CAMK2D: variants seen among roughly 807,000 people sequenced by gnomAD.
CAMK2D encodes the protein calcium/calmodulin-dependent protein kinase type II subunit delta.
In CAMK2D, 37 loss-of-function variants were observed where a neutral mutation model predicts 84.0. That is an observed-to-expected ratio of 0.44 (90% CI 0.34 to 0.58). CAMK2D has a LOEUF of 0.58. Among genes scored for constraint, CAMK2D ranks in the 20% least tolerant of loss-of-function variants. The probability of loss-of-function intolerance (pLI) is 0.02; values close to 1 mark genes in which losing one functional copy is unlikely to be tolerated. For missense variants in CAMK2D, 448 were observed against 652.5 expected, an observed-to-expected ratio of 0.69 and a Z score of 3.41; for synonymous variants, 202 against 212.5, an observed-to-expected ratio of 0.95 and a Z score of 0.43.
intron 2 of CAMK2D, among the ~76,000 whole-genome samples, chr4:113,690,926 AAT>A (rs1289987901): frequency 6.6e-6 from 1 of 152,214 alleles, no homozygotes; most frequent in Admixed American, 6.5e-5. Flanking sequence ...TCACACAGGA[AAT>A]ATGAGAGATT....
chr4:113,463,894 G>A (rs2097423744), intron 17 of CAMK2D, among the ~76,000 whole-genome samples: 1 of 151,804 alleles, frequency 6.6e-6, no homozygotes, highest in Non-Finnish European at 1.5e-5. Flanking sequence ...ATATATCTTT[G>A]TTCACAAATT....
At chr4:113,729,304 T>C (rs1303388595) in intron 2 of CAMK2D, among the ~76,000 whole-genome samples, 1 of 152,214 alleles carries the variant, frequency 6.6e-6, no homozygotes, top group Non-Finnish European at 1.5e-5. Context: ...GACCATGCTC[T>C]CTTAAGATAA....
chr4:113,492,173 C>T (rs1032804849), intron 16 of CAMK2D, among the ~76,000 whole-genome samples: 2 of 151,804 alleles, frequency 1.3e-5, no homozygotes, highest in Admixed American at 6.6e-5. Flanking sequence ...TTATTTCTTG[C>T]CTTCTGCTAG....
intron 3 of CAMK2D, among the ~76,000 whole-genome samples, chr4:113,619,916 C>T (rs1024368885): frequency 2.0e-5 from 3 of 151,798 alleles, no homozygotes; most frequent in African/African-American, 4.8e-5. Context: ...GCTGAGAGGC[C>T]GGAGTTTGGC....
rs115840037 is a variant in CAMK2D at position 113,622,421 on chromosome 4, T to A, written c.221-13215A>T. Among the ~76,000 whole-genome samples the A allele has an allele frequency of 4.7e-3, 712 of 152,202 alleles. 10 individuals are homozygous for A. Among genetic ancestry groups the A allele is most frequent in the African/African-American group, 0.016 (683 of 41,552 alleles). On this transcript the variant is annotated intron_variant, in intron 3 of 20. Transcript: ENST00000511664. ...TACCTCTTCAAATTCCTTCACATTC[T>A]CCCTCACTGTTTCCCCTCCAGCTCC...
rs528317351 is a variant in CAMK2D at position 113,700,990 on chromosome 4, G to A, written c.161-39218C>T. ...ACTAATAAGGTTTTAGTTAAACAAC[G>A]TATTCAACTATCACTTACTGATGAT... On this transcript the variant is annotated intron_variant, in intron 2 of 20. Transcript: ENST00000511664. Among the ~76,000 whole-genome samples, 23 of 152,178 alleles carry A rather than the reference G, an allele frequency of 1.5e-4. No individual in the cohort carries two copies. In the East Asian group the frequency reaches 3.3e-3, roughly 22 times the overall value.
chr4:113,467,205 C>G (rs961180928), intron 16 of CAMK2D, among the ~76,000 whole-genome samples: 1 of 152,174 alleles, frequency 6.6e-6, no homozygotes, highest in East Asian at 1.9e-4. Flanking sequence ...CCCATCTTAT[C>G]TTACTGAGGT....
At chr4:113,616,241 C>T (rs1025321581) in intron 3 of CAMK2D, among the ~76,000 whole-genome samples, 1 of 151,934 alleles carries the variant, frequency 6.6e-6, no homozygotes, top group East Asian at 1.9e-4. Context: ...ATAGGGAATG[C>T]CATCCATATT....
At chr4:113,705,885 G>C (rs1420156764) in intron 2 of CAMK2D, among the ~76,000 whole-genome samples, 4 of 152,158 alleles carry the variant, frequency 2.6e-5, no homozygotes, top group Admixed American at 2.6e-4. Context: ...CCTTCTCAAA[G>C]CAAGGAACCC....
Position 113,493,238 on chromosome 4 carries a change from C to G in CAMK2D, c.1135+7225G>C, listed in dbSNP as rs192554432. ...AGTTGATGCAGTTTCTTCCTAGTCTCGATGGTCTTTACATTTAGGCATGAT... is the reference window on the plus strand; with the variant it reads ...AGTTGATGCAGTTTCTTCCTAGTCTGGATGGTCTTTACATTTAGGCATGAT... On this transcript the variant is annotated intron_variant, in intron 16 of 20. Transcript: ENST00000511664. Among the ~76,000 whole-genome samples the G allele has an allele frequency of 7.1e-3, 1,083 of 151,766 alleles. 23 individuals carry two copies. The highest frequency in any genetic ancestry group is 0.025 in the African/African-American group (1,035 of 41,324).
intron 2 of CAMK2D, among the ~76,000 whole-genome samples, chr4:113,668,247 A>G (rs2099265447): frequency 6.6e-6 from 1 of 152,226 alleles, no homozygotes; most frequent in African/African-American, 2.4e-5. Context: ...CCCATAACGA[A>G]GGTCCCTAAT....
At position 113,661,791 on chromosome 4, in the gene CAMK2D, G is replaced by C. The variant is rs1318027294; in HGVS notation, c.161-19C>G. Reference sequence around the variant, plus strand: ...TGATGATCTGTTAAAAAAAAAAACAGAATAAGGCAAAAATAAAGCAAAAAA... The same window carrying C: ...TGATGATCTGTTAAAAAAAAAAACACAATAAGGCAAAAATAAAGCAAAAAA... On this transcript the variant is annotated intron_variant, in intron 2 of 20. Transcript: ENST00000511664. 3 of 1,331,002 alleles carry C rather than the reference G, an allele frequency of 2.3e-6. No homozygotes were observed. The highest frequency in any genetic ancestry group is 3.1e-6 in the Non-Finnish European group (3 of 971,926). The allele number at this position is 1,331,002 out of a possible 1,614,324, so 82.4% of individuals were successfully genotyped here.
chr4:113,480,406 A>G (rs2097687236), intron 16 of CAMK2D, among the ~76,000 whole-genome samples: 1 of 152,182 alleles, frequency 6.6e-6, no homozygotes, highest in Admixed American at 6.5e-5. Context: ...TTCCAATAGG[A>G]AAAAACATCC....
At chr4:113,492,555 C>G (rs2097858920) in intron 16 of CAMK2D, among the ~76,000 whole-genome samples, 1 of 152,152 alleles carries the variant, frequency 6.6e-6, no homozygotes, top group East Asian at 1.9e-4. Context: ...GAGAGCTTCA[C>G]TTCCAACTAT....
chr4:113,732,348 C>A (rs1207482267), intron 2 of CAMK2D, among the ~76,000 whole-genome samples: 1 of 151,962 alleles, frequency 6.6e-6, no homozygotes, highest in Non-Finnish European at 1.5e-5. Flanking sequence ...GTCTTGAACT[C>A]CTGGCCCCAA....
At chr4:113,686,939 A>AT (rs796903415) in intron 2 of CAMK2D, among the ~76,000 whole-genome samples, 8 of 152,298 alleles carry the variant, frequency 5.3e-5, no homozygotes, top group African/African-American at 1.9e-4. Context: ...TTTAAAAATA[A>AT]TATAGGTAGA....
At chr4:113,595,440 TTGTGTGTGTGTG>T (rs71582188) in intron 4 of CAMK2D, among the ~76,000 whole-genome samples, 140 of 143,472 alleles carry the variant, frequency 9.8e-4, no homozygotes, top group African/African-American at 3.3e-3. Context: ...TTATGTATGC[TTGTGTGTGTGTG>T]TGTGTGTGTG....
At chr4:113,728,052 T>C (rs1193008055) in intron 2 of CAMK2D, among the ~76,000 whole-genome samples, 1 of 152,114 alleles carries the variant, frequency 6.6e-6, no homozygotes, top group Admixed American at 6.5e-5. Flanking sequence ...TTCCCATACA[T>C]TGCTGGTAGG....
At chr4:113,484,326 A>G (rs548774671) in intron 16 of CAMK2D, among the ~76,000 whole-genome samples, 2 of 152,170 alleles carry the variant, frequency 1.3e-5, no homozygotes, top group Non-Finnish European at 2.9e-5. Context: ...AAATGTCTCT[A>G]TCTCTCTCTA....
Sources: allele counts gnomAD v4.1 joint callset (sites outside exome capture counted in the v4.1 genomes callset), GRCh38; gene constraint gnomAD v4.1.1; transcripts MANE v1.5; gene names NCBI Gene and HGNC (gene_info 2026-07-23, HGNC 2026-07-21).